NRG3: variants seen among roughly 807,000 people sequenced by gnomAD.
NRG3 encodes the protein pro-neuregulin-3, membrane-bound isoform.
NRG3 carries 31 observed loss-of-function variants against 66.9 expected under a neutral mutation model. That is an observed-to-expected ratio of 0.46 (90% CI 0.35 to 0.63). The LOEUF is 0.63. NRG3 is among the 20% of genes least tolerant of loss of function. NRG3 has a pLI of 0.00. For synonymous variants in NRG3, 393 were observed against 359.4 expected (o/e 1.09, Z -1.06); for missense variants, 910 against 878.9 (o/e 1.04, Z -0.45).
At chr10:82,326,989 C>T (rs953294176) in intron 1 of NRG3, among the ~76,000 whole-genome samples, 4 of 152,118 alleles carry the variant, frequency 2.6e-5, no homozygotes, top group Non-Finnish European at 4.4e-5. Context: ...TTAGTAAAGG[C>T]TAGTATCATT....
chr10:81,912,235 A>G (rs1845239073), intron 1 of NRG3, among the ~76,000 whole-genome samples: 1 of 152,122 alleles, frequency 6.6e-6, no homozygotes, highest in Non-Finnish European at 1.5e-5. Flanking sequence ...GATGATGATG[A>G]TGATTACAGG....
chr10:82,091,776 A>T (rs961521746), intron 1 of NRG3, among the ~76,000 whole-genome samples: 1 of 152,176 alleles, frequency 6.6e-6, no homozygotes, highest in African/African-American at 2.4e-5. Context: ...CCAACAATGC[A>T]TAGGTGTTCT....
chr10:82,701,859 C>G (rs748716146), intron 2 of NRG3, among the ~76,000 whole-genome samples: 1 of 152,160 alleles, frequency 6.6e-6, no homozygotes, highest in Non-Finnish European at 1.5e-5. Context: ...CTAAGAAATG[C>G]AAAACTTCCT....
chr10:82,577,918 TA>T (rs1392981531), intron 2 of NRG3, among the ~76,000 whole-genome samples: 3 of 151,844 alleles, frequency 2.0e-5, no homozygotes, highest in African/African-American at 7.2e-5. Flanking sequence ...GCAAGCTTTT[TA>T]AAAAGTCTCA....
At chr10:82,891,275 T>G (rs1843127038) in intron 4 of NRG3, among the ~76,000 whole-genome samples, 1 of 151,954 alleles carries the variant, frequency 6.6e-6, no homozygotes, top group Non-Finnish European at 1.5e-5. Flanking sequence ...TTAAAATACA[T>G]ATTCTTTCTG....
chr10:82,635,713 A>G (rs889724577), intron 2 of NRG3, among the ~76,000 whole-genome samples: 8 of 152,170 alleles, frequency 5.3e-5, no homozygotes, highest in African/African-American at 1.9e-4. Context: ...CATAAACAAT[A>G]CCAAACTAGA....
intron 1 of NRG3, among the ~76,000 whole-genome samples, chr10:82,106,302 GT>G (rs1323208780): frequency 6.6e-6 from 1 of 152,164 alleles, no homozygotes; most frequent in Non-Finnish European, 1.5e-5. Context: ...CTCCACCAGT[GT>G]TGCTGAGCCA....
At chr10:81,960,217 G>A (rs2133267401) in intron 1 of NRG3, among the ~76,000 whole-genome samples, 1 of 152,104 alleles carries the variant, frequency 6.6e-6, no homozygotes, top group South Asian at 2.1e-4. Context: ...TTGTGTTTCA[G>A]GGTTAGGTGA....
chr10:82,421,423 T>C (rs2089062971), intron 2 of NRG3, among the ~76,000 whole-genome samples: 1 of 152,056 alleles, frequency 6.6e-6, no homozygotes, highest in South Asian at 2.1e-4. Flanking sequence ...AGAAAAAGTC[T>C]ATGCGGCAAC....
At chr10:82,648,506 T>C (rs2051143318) in intron 2 of NRG3, among the ~76,000 whole-genome samples, 1 of 152,194 alleles carries the variant, frequency 6.6e-6, no homozygotes, top group Admixed American at 6.5e-5. Context: ...TTTGGTTCTG[T>C]ATGAACTTTA....
At chr10:82,816,734 C>T (rs1026617184) in intron 3 of NRG3, among the ~76,000 whole-genome samples, 1 of 152,196 alleles carries the variant, frequency 6.6e-6, no homozygotes, top group Admixed American at 6.5e-5. Flanking sequence ...CTGAGCCACC[C>T]TCAGCAGCCC....
intron 2 of NRG3, among the ~76,000 whole-genome samples, chr10:82,477,656 GC>G (rs1841901653): frequency 6.6e-6 from 1 of 152,266 alleles, no homozygotes. Flanking sequence ...TTTTTAGCAG[GC>G]AAGAGATGAG....
chr10:82,792,362 T>C (rs564109176), intron 3 of NRG3, among the ~76,000 whole-genome samples: 25 of 152,306 alleles, frequency 1.6e-4, no homozygotes, highest in Non-Finnish European at 3.1e-4. Context: ...TTCATTATTC[T>C]GCTGGGTACT....
At chr10:82,357,317 T>G (rs2083846121) in intron 1 of NRG3, among the ~76,000 whole-genome samples, 1 of 152,206 alleles carries the variant, frequency 6.6e-6, no homozygotes, top group African/African-American at 2.4e-5. Context: ...GATTTTTAGA[T>G]GTGGGAGAGA....
chr10:82,226,713 A>G (rs1166168499), intron 1 of NRG3, among the ~76,000 whole-genome samples: 1 of 152,108 alleles, frequency 6.6e-6, no homozygotes, highest in Non-Finnish European at 1.5e-5. Context: ...AATAGTTGTT[A>G]TTTATCTCCA....
At chr10:82,019,270 A>G (rs944839897) in intron 1 of NRG3, among the ~76,000 whole-genome samples, 36 of 152,208 alleles carry the variant, frequency 2.4e-4, no homozygotes, top group Non-Finnish European at 4.4e-4. Flanking sequence ...CCAGCCTTGC[A>G]TCCCAGGGAT....
chr10:82,685,996 C>T (rs976980487), intron 2 of NRG3, among the ~76,000 whole-genome samples: 8 of 152,020 alleles, frequency 5.3e-5, no homozygotes, highest in African/African-American at 1.2e-4. Flanking sequence ...GCTTCCTGAA[C>T]GAACTGCCTG....
chr10:82,283,216 G>A (rs1056600143), intron 1 of NRG3, among the ~76,000 whole-genome samples: 2 of 152,042 alleles, frequency 1.3e-5, no homozygotes, highest in Non-Finnish European at 2.9e-5. Context: ...TTCTGAAGTG[G>A]AATCAAATCA....
At chr10:82,486,075 C>T (rs529847427) in intron 2 of NRG3, among the ~76,000 whole-genome samples, 4 of 152,110 alleles carry the variant, frequency 2.6e-5, no homozygotes, top group African/African-American at 7.2e-5. Flanking sequence ...GTCAGGGAAA[C>T]GCAAGTCAAA....
Sources: allele counts gnomAD v4.1 joint callset (sites outside exome capture counted in the v4.1 genomes callset), GRCh38; gene constraint gnomAD v4.1.1; transcripts MANE v1.5; gene names NCBI Gene and HGNC (gene_info 2026-07-23, HGNC 2026-07-21).